MLLT3: variants seen among roughly 807,000 people sequenced by gnomAD.
The protein encoded by MLLT3 is MLLT3 super elongation complex subunit.
A neutral mutation model predicts 53.2 loss-of-function variants in MLLT3; 4 were observed. That is an observed-to-expected ratio of 0.08 (90% confidence interval 0.04 to 0.17). The LOEUF (loss-of-function observed/expected upper bound fraction) is 0.17. Ranked by LOEUF, MLLT3 falls within the 10% of genes least tolerant of loss-of-function variation. The pLI is 1.00. For missense variants in MLLT3, 569 were observed against 684.0 expected (o/e 0.83, Z 1.87); for synonymous variants, 283 against 230.6 (o/e 1.23, Z -2.06).
chr9:20,559,704 T>A (rs1206273042), intron 2 of MLLT3, among the ~76,000 whole-genome samples: 1 of 152,170 alleles, frequency 6.6e-6, no homozygotes, highest in African/African-American at 2.4e-5. Flanking sequence ...TCATGTAGGA[T>A]AAATTACTCT....
chr9:20,514,813 A>C (rs1456852997), intron 2 of MLLT3, among the ~76,000 whole-genome samples: 1 of 152,186 alleles, frequency 6.6e-6, no homozygotes, highest in Non-Finnish European at 1.5e-5. Flanking sequence ...GGGACATGAA[A>C]GTTCTACTGA....
intron 8 of MLLT3, 91 bp downstream of exon 8, chr9:20,360,651 T>A (rs1258905778): frequency 2.7e-6 from 3 of 1,097,776 alleles, no homozygotes; most frequent in Non-Finnish European, 2.8e-6. Flanking sequence ...GAAGTTTGTT[T>A]AAAATTCAGG....
At chr9:20,549,972 GA>G (rs1345068224) in intron 2 of MLLT3, among the ~76,000 whole-genome samples, 1 of 152,080 alleles carries the variant, frequency 6.6e-6, no homozygotes, top group Non-Finnish European at 1.5e-5. Context: ...ACTGAATGTT[GA>G]TCTCAACAGA....
At chr9:20,371,132 T>G (rs145037059) in intron 5 of MLLT3, among the ~76,000 whole-genome samples, 94 of 152,232 alleles carry the variant, frequency 6.2e-4, no homozygotes, top group African/African-American at 2.1e-3. Context: ...ATCTGAGAGA[T>G]GAGGAAGCTG....
Position 20,414,204 on chromosome 9 carries a change from A to G in MLLT3, c.642T>C (p.His214=). The G allele has an allele frequency of 1.2e-6, 2 of 1,614,110 alleles. No individual in the cohort carries two copies. Among genetic ancestry groups the G allele is most frequent in the Non-Finnish European group, 1.7e-6 (2 of 1,179,988 alleles). The change falls in exon 5 of 11, where the codon CAT becomes CAC. Residue 214 remains histidine, a synonymous_variant. Coordinates refer to ENST00000380338, the MANE Select transcript of MLLT3 (RefSeq NM_004529.4). ...TGGAAGGTTCTTTGAAGGCACTTTTATGTTCTCTGGAGTCTTTAGAAGGTT... is the reference window on the plus strand; with the variant it reads ...TGGAAGGTTCTTTGAAGGCACTTTTGTGTTCTCTGGAGTCTTTAGAAGGTT... The part of the protein sequence containing the change: ...KEKPSKDSRE[H]KSAFKEPSRD...
intron 2 of MLLT3, among the ~76,000 whole-genome samples, chr9:20,576,543 G>A (rs1220097602): frequency 6.6e-6 from 1 of 152,038 alleles, no homozygotes; most frequent in Non-Finnish European, 1.5e-5. Flanking sequence ...GAAATAGGGA[G>A]GTCCAAGGAG....
chr9:20,517,469 A>G (rs890482340), intron 2 of MLLT3, among the ~76,000 whole-genome samples: 2 of 151,862 alleles, frequency 1.3e-5, no homozygotes, highest in African/African-American at 4.8e-5. Context: ...AAAAAAAAAA[A>G]GAAAATTGGT....
intron 10 of MLLT3, among the ~76,000 whole-genome samples, chr9:20,349,054 C>A (rs1265189646): frequency 6.6e-6 from 1 of 152,130 alleles, no homozygotes; most frequent in African/African-American, 2.4e-5. Flanking sequence ...CAAATTTATG[C>A]AATGGAGGCA....
intron 2 of MLLT3, among the ~76,000 whole-genome samples, chr9:20,579,674 A>C (rs1340599261): frequency 1.3e-5 from 2 of 152,210 alleles, no homozygotes; most frequent in African/African-American, 4.8e-5. Flanking sequence ...GTATGAGGAA[A>C]TGTGGACTTG....
intron 10 of MLLT3, among the ~76,000 whole-genome samples, chr9:20,347,488 G>A (rs1183815932): frequency 1.3e-5 from 2 of 152,152 alleles, no homozygotes; most frequent in Non-Finnish European, 2.9e-5. Flanking sequence ...AGAGATGACG[G>A]TTACTATTAC....
intron 2 of MLLT3, among the ~76,000 whole-genome samples, chr9:20,476,519 A>T (rs1399246800): frequency 6.6e-6 from 1 of 152,154 alleles, no homozygotes; most frequent in African/African-American, 2.4e-5. Flanking sequence ...TATATCCTTA[A>T]AACAAATAAG....
intron 8 of MLLT3, among the ~76,000 whole-genome samples, chr9:20,356,329 G>C (rs1049750107): frequency 6.6e-6 from 1 of 152,086 alleles, no homozygotes; most frequent in African/African-American, 2.4e-5. Flanking sequence ...GCAACACAAG[G>C]AAATTACGTA....
chr9:20,367,555 A>G (rs1188985763), intron 5 of MLLT3, among the ~76,000 whole-genome samples: 1 of 152,204 alleles, frequency 6.6e-6, no homozygotes, highest in African/African-American at 2.4e-5. Flanking sequence ...ATGCACACAC[A>G]TGGACCTAAG....
chr9:20,476,551 A>T (rs1324827748), intron 2 of MLLT3, among the ~76,000 whole-genome samples: 1 of 152,178 alleles, frequency 6.6e-6, no homozygotes, highest in African/African-American at 2.4e-5. Flanking sequence ...TAATTCAAAA[A>T]TAAATGGTAA....
chr9:20,476,646 A>G (rs1824528625), intron 2 of MLLT3, among the ~76,000 whole-genome samples: 1 of 152,182 alleles, frequency 6.6e-6, no homozygotes, highest in South Asian at 2.1e-4. Flanking sequence ...CCTGGTTGAG[A>G]TTCCTTGGAA....
At chr9:20,533,219 T>A in intron 2 of MLLT3, 1 of 323,678 alleles carries the variant, frequency 3.1e-6, no homozygotes, top group South Asian at 3.1e-5. Context: ...GTGGAAGCCA[T>A]CAGGACCAAT....
chr9:20,529,748 T>C (rs1587031158), intron 2 of MLLT3, among the ~76,000 whole-genome samples: 1 of 118,394 alleles, frequency 8.4e-6, no homozygotes, highest in South Asian at 3.0e-4. Flanking sequence ...TTTTTTTTTT[T>C]GGTAGGGATG....
chr9:20,565,887 C>G (rs1204878908), intron 2 of MLLT3, among the ~76,000 whole-genome samples: 1 of 142,000 alleles, frequency 7.0e-6, no homozygotes, highest in Non-Finnish European at 1.5e-5. Context: ...CTCACTTCCT[C>G]CTTCCTCCTA....
At position 20,362,159 on chromosome 9, in the gene MLLT3, G is replaced by T. The variant is rs138325475; in HGVS notation, c.1331+1317C>A. Among the ~76,000 whole-genome samples the T allele has an allele frequency of 4.1e-3, 624 of 152,234 alleles. 6 individuals carry two copies. Among genetic ancestry groups the T allele is most frequent in the Admixed American group, 0.014 (214 of 15,298 alleles). On this transcript the variant is annotated intron_variant, in intron 7 of 10. Transcript: ENST00000380338. ...TGGCACTGACATGCTAACACAGCAC[G>T]GTCAGGCAGGGAACAAGAAAAGCAG...
Sources: allele counts gnomAD v4.1 joint callset (sites outside exome capture counted in the v4.1 genomes callset), GRCh38; gene constraint gnomAD v4.1.1; transcripts MANE v1.5; gene names NCBI Gene and HGNC (gene_info 2026-07-23, HGNC 2026-07-21).